The following OXR1 variants were observed in gnomAD, a reference collection of about 807,000 sequenced individuals.
The protein encoded by OXR1 is oxidation resistance protein 1.
OXR1 carries 41 observed loss-of-function variants against 104.6 expected under a neutral mutation model. The observed-to-expected ratio is 0.39, with a 90% confidence interval of 0.31 to 0.51. The LOEUF (loss-of-function observed/expected upper bound fraction) is 0.51. Among genes scored for constraint, OXR1 ranks in the 20% least tolerant of loss-of-function variants. OXR1 has a pLI of 0.77. For missense variants in OXR1, 955 were observed against 1,031.9 expected (o/e 0.93, Z 1.02); for synonymous variants, 348 against 348.4 (o/e 1.00, Z 0.01).
At chr8:106,727,278 T>C (rs1409044661) in intron 11 of OXR1, among the ~76,000 whole-genome samples, 1 of 152,216 alleles carries the variant, frequency 6.6e-6, no homozygotes, top group Admixed American at 6.5e-5. Flanking sequence ...ATTCTTAGTT[T>C]GCAAAGACTT....
intron 2 of OXR1, among the ~76,000 whole-genome samples, chr8:106,455,677 C>T (rs895793382): frequency 7.9e-5 from 12 of 152,150 alleles, no homozygotes; most frequent in African/African-American, 2.9e-4. Flanking sequence ...CAATCAGTCA[C>T]CTGGCATACT....
intron 2 of OXR1, 99 bp from the exon 3 acceptor site, chr8:106,518,844 A>G (rs1813053387): frequency 3.9e-6 from 3 of 767,936 alleles, no homozygotes; most frequent in Non-Finnish European, 6.2e-6. Flanking sequence ...TTCTATCTCA[A>G]GGTTAAATAT....
At chr8:106,331,365 TA>T (rs1236715391) in intron 1 of OXR1, among the ~76,000 whole-genome samples, 1 of 152,214 alleles carries the variant, frequency 6.6e-6, no homozygotes, top group Non-Finnish European at 1.5e-5. Flanking sequence ...TTTTCACAAT[TA>T]AAATTATTGT....
At chr8:106,581,617 C>A (rs931963082) in intron 3 of OXR1, among the ~76,000 whole-genome samples, 16 of 151,548 alleles carry the variant, frequency 1.1e-4, no homozygotes, top group African/African-American at 3.6e-4. Flanking sequence ...TGTCTTTTTT[C>A]ATTTTAAACA....
chr8:106,526,250 A>G (rs1813653622), intron 3 of OXR1, among the ~76,000 whole-genome samples: 1 of 152,192 alleles, frequency 6.6e-6, no homozygotes, highest in African/African-American at 2.4e-5. Context: ...GGATTCGATT[A>G]CAGGACATTA....
rs539082882 is a variant in OXR1 at position 106,285,961 on chromosome 8, G to A, written c.-139+15594G>A. Among the ~76,000 whole-genome samples, 9 of 70,792 alleles carry A rather than the reference G, an allele frequency of 1.3e-4. No homozygotes were observed. In the South Asian group the frequency reaches 2.4e-3, roughly 19 times the overall value. The allele number at this position is 70,792 out of a possible 152,430, so 46.4% of individuals were successfully genotyped here. Reference sequence around the variant, plus strand: ...CAACATTCCTTTGTGGACTGCCCTCGCCCCGTAACCACCTTTTTCAGTCCT... The same window carrying A: ...CAACATTCCTTTGTGGACTGCCCTCACCCCGTAACCACCTTTTTCAGTCCT... On this transcript the variant is annotated intron_variant, in intron 1 of 16. Transcript: ENST00000517566.
chr8:106,337,925 G>A (rs1815030437), intron 1 of OXR1, among the ~76,000 whole-genome samples: 1 of 152,144 alleles, frequency 6.6e-6, no homozygotes, highest in African/African-American at 2.4e-5. Flanking sequence ...AAAAGTTAAT[G>A]TGGCTTTTTA....
chr8:106,340,020 A>C (rs548670119), intron 1 of OXR1, among the ~76,000 whole-genome samples: 1 of 152,284 alleles, frequency 6.6e-6, no homozygotes. Context: ...GTCACTTTAC[A>C]AAACACAATT....
chr8:106,699,951 A>G (rs940576529), intron 7 of OXR1, among the ~76,000 whole-genome samples: 2 of 152,200 alleles, frequency 1.3e-5, no homozygotes, highest in African/African-American at 4.8e-5. Flanking sequence ...TCTCTTTGCT[A>G]GGATGGATTC....
At chr8:106,345,152 A>G (rs1251087472) in intron 1 of OXR1, among the ~76,000 whole-genome samples, 2 of 152,264 alleles carry the variant, frequency 1.3e-5, no homozygotes, top group African/African-American at 4.8e-5. Context: ...TCCTTAGAAA[A>G]GTGCCTGACA....
At chr8:106,402,925 A>T (rs1267765365) in intron 2 of OXR1, among the ~76,000 whole-genome samples, 2 of 152,058 alleles carry the variant, frequency 1.3e-5, no homozygotes, top group Non-Finnish European at 2.9e-5. Context: ...GGTTCACACC[A>T]TTCTCCTGCC....
chr8:106,673,751 A>G (rs1460859053), intron 3 of OXR1, among the ~76,000 whole-genome samples: 2 of 152,190 alleles, frequency 1.3e-5, no homozygotes, highest in African/African-American at 4.8e-5. Flanking sequence ...TTCAGGACAC[A>G]GTGCCCTGAA....
chr8:106,486,131 C>T (rs571112782), intron 2 of OXR1, among the ~76,000 whole-genome samples: 3 of 152,060 alleles, frequency 2.0e-5, no homozygotes, highest in South Asian at 4.1e-4. Flanking sequence ...TACAAAATCA[C>T]GAGATATGTG....
intron 3 of OXR1, among the ~76,000 whole-genome samples, chr8:106,558,958 G>T (rs1586810259): frequency 6.6e-6 from 1 of 152,188 alleles, no homozygotes; most frequent in Non-Finnish European, 1.5e-5. Flanking sequence ...GGTAGTGATG[G>T]TGTCTTTTCC....
At chr8:106,396,078 C>T (rs62527974) in intron 2 of OXR1, among the ~76,000 whole-genome samples, 1 of 148,646 alleles carries the variant, frequency 6.7e-6, no homozygotes, top group Non-Finnish European at 1.5e-5. Context: ...TATATAAATA[C>T]ATACATACAT....
At chr8:106,349,550 A>C (rs936964975) in intron 1 of OXR1, among the ~76,000 whole-genome samples, 1 of 152,220 alleles carries the variant, frequency 6.6e-6, no homozygotes, top group Non-Finnish European at 1.5e-5. Flanking sequence ...AAAATCAGGG[A>C]AAATTATTCT....
chr8:106,304,774 T>C (rs1025422655), intron 1 of OXR1, among the ~76,000 whole-genome samples: 2 of 152,194 alleles, frequency 1.3e-5, no homozygotes, highest in Admixed American at 6.5e-5. Flanking sequence ...GGTACCCTAT[T>C]GGACAGCTCA....
At chr8:106,460,002 C>A (rs1820816847) in intron 2 of OXR1, among the ~76,000 whole-genome samples, 1 of 152,148 alleles carries the variant, frequency 6.6e-6, no homozygotes, top group Admixed American at 6.6e-5. Context: ...GTCACTTATT[C>A]ATTAATTCAT....
intron 4 of OXR1, among the ~76,000 whole-genome samples, chr8:106,681,247 T>C (rs923392541): frequency 2.0e-5 from 3 of 152,212 alleles, no homozygotes; most frequent in East Asian, 1.9e-4. Context: ...CTGCAAAATA[T>C]CATTTGTTTA....
Sources: allele counts gnomAD v4.1 joint callset (sites outside exome capture counted in the v4.1 genomes callset), GRCh38; gene constraint gnomAD v4.1.1; transcripts MANE v1.5; gene names NCBI Gene and HGNC (gene_info 2026-07-23, HGNC 2026-07-21).